Variants in SLC41A2 observed in about 807,000 individuals in gnomAD.
The protein encoded by SLC41A2 is solute carrier family 41 member 2, also known as SLC41A1-like 1.
Under a neutral mutation model 58.3 loss-of-function variants are expected in SLC41A2, and 32 were observed. The observed-to-expected ratio is 0.55, with a 90% confidence interval of 0.41 to 0.74. SLC41A2 has a LOEUF of 0.74. Among genes scored for constraint, SLC41A2 ranks in the 30% least tolerant of loss-of-function variants. SLC41A2 has a pLI of 0.00. For missense variants in SLC41A2, 514 were observed against 680.6 expected, an observed-to-expected ratio of 0.76 and a Z score of 2.72; for synonymous variants, 190 against 235.0, an observed-to-expected ratio of 0.81 and a Z score of 1.75.
At chr12:104,932,768 A>G (rs1172473606) in intron 1 of SLC41A2, among the ~76,000 whole-genome samples, 3 of 152,098 alleles carry the variant, frequency 2.0e-5, no homozygotes, top group South Asian at 2.1e-4. Context: ...AGCACATAAA[A>G]ACATAAATTG....
chr12:104,901,438 A>T (rs2045554743), intron 3 of SLC41A2, among the ~76,000 whole-genome samples: 3 of 152,202 alleles, frequency 2.0e-5, no homozygotes, highest in Admixed American at 6.5e-5. Flanking sequence ...CAAGTTAATC[A>T]TCATAACTTT....
chr12:104,825,763 G>A (rs539178141), intron 10 of SLC41A2, among the ~76,000 whole-genome samples: 1 of 152,294 alleles, frequency 6.6e-6, no homozygotes, highest in South Asian at 2.1e-4. Context: ...GGGATTCAAA[G>A]CCAGGCAATA....
At chr12:104,951,135 T>C (rs2047935673) in intron 1 of SLC41A2, among the ~76,000 whole-genome samples, 1 of 152,236 alleles carries the variant, frequency 6.6e-6, no homozygotes, top group Non-Finnish European at 1.5e-5. Context: ...TTCCCATATT[T>C]TAGTAAATAA....
chr12:104,826,935 T>C (rs1006130105), intron 10 of SLC41A2, among the ~76,000 whole-genome samples: 1 of 152,082 alleles, frequency 6.6e-6, no homozygotes, highest in African/African-American at 2.4e-5. Flanking sequence ...TATTATCCAA[T>C]TGGAAGAGAA....
In SLC41A2 at chr12:104,802,338, AATAG is replaced by A. The variant is rs1312755038; in HGVS notation, c.*2810_*2813del. ...TGAATTCACATTACTTAAGACTGAT[AATAG>A]ATTATTGTTGTGGGTAAATGAGTCA... is the stretch of plus-strand genomic sequence containing the variant. On this transcript the variant is annotated 3_prime_UTR_variant, in exon 11 of 11. Coordinates refer to ENST00000258538, the MANE Select transcript of SLC41A2 (RefSeq NM_001352171.3). 6.6e-6 allele frequency among the ~76,000 whole-genome samples: 1 copy of A among 152,224 alleles called. No individual in the cohort carries two copies. Among genetic ancestry groups the A allele is most frequent in the East Asian group, 1.9e-4 (1 of 5,204 alleles).
Position 104,853,855 on chromosome 12 carries a change from C to T in SLC41A2, c.1255+7436G>A, listed in dbSNP as rs182602142. Reference sequence around the variant, plus strand: ...ATCTCCTGGACTCAAGTGATCCTCCCACCTCAGCCTCCCAAGTAGATAGGA... The same window carrying T: ...ATCTCCTGGACTCAAGTGATCCTCCTACCTCAGCCTCCCAAGTAGATAGGA... On this transcript the variant is annotated intron_variant, in intron 8 of 10. Coordinates refer to ENST00000258538, the MANE Select transcript of SLC41A2 (RefSeq NM_001352171.3). Among the ~76,000 whole-genome samples the T allele has an allele frequency of 3.8e-3, 563 of 149,988 alleles. 2 individuals are homozygous for T. Among genetic ancestry groups the T allele is most frequent in the Non-Finnish European group, 6.3e-3 (430 of 67,718 alleles).
At chr12:104,902,314 AAG>A (rs1358307298) in intron 3 of SLC41A2, among the ~76,000 whole-genome samples, 1 of 152,254 alleles carries the variant, frequency 6.6e-6, no homozygotes, top group African/African-American at 2.4e-5. Context: ...AGGAAAAAGA[AAG>A]AGGAATTTCA....
At chr12:104,866,672 G>A (rs576029795) in intron 6 of SLC41A2, 93 bp from the exon 7 acceptor site, 21 of 1,047,240 alleles carry the variant, frequency 2.0e-5, no homozygotes, top group Admixed American at 1.2e-4. Context: ...TAGAAGGTAC[G>A]ACACTATCAA....
At chr12:104,912,576 C>T (rs1027187424) in intron 2 of SLC41A2, among the ~76,000 whole-genome samples, 3 of 152,202 alleles carry the variant, frequency 2.0e-5, no homozygotes, top group Non-Finnish European at 2.9e-5. Flanking sequence ...TGCCCCCATA[C>T]CTCGCCCTAC....
At chr12:104,887,043 T>C (rs1353903820) in intron 5 of SLC41A2, among the ~76,000 whole-genome samples, 1 of 151,988 alleles carries the variant, frequency 6.6e-6, no homozygotes, top group Non-Finnish European at 1.5e-5. Flanking sequence ...TACGAGAGAA[T>C]AGAAGATGAA....
rs1173554069 is a variant in SLC41A2 at position 104,804,711 on chromosome 12, G to A, written c.*441C>T. On this transcript the variant is annotated 3_prime_UTR_variant, in exon 11 of 11. Transcript: ENST00000258538. ...GTGGGCATTGTTAATACGATTCAAA[G>A]CTTGGTTGGGCACTCTTCGTTTTAT... 1 of 153,450 alleles carries A rather than the reference G, an allele frequency of 6.5e-6. No homozygotes were observed. The highest frequency in any genetic ancestry group is 2.4e-5 in the African/African-American group (1 of 41,446). 9.5% of individuals were successfully genotyped at this position (153,450 alleles called of 1,614,324 possible).
At chr12:104,927,465 AT>A (rs2046887064) in intron 2 of SLC41A2, among the ~76,000 whole-genome samples, 1 of 152,154 alleles carries the variant, frequency 6.6e-6, no homozygotes, top group Non-Finnish European at 1.5e-5. Flanking sequence ...TTTTATTTTT[AT>A]TTTTGGAAAA....
intron 2 of SLC41A2, among the ~76,000 whole-genome samples, chr12:104,927,524 T>C (rs1425655059): frequency 6.6e-6 from 1 of 152,164 alleles, no homozygotes; most frequent in East Asian, 1.9e-4. Context: ...TGCAAGTGTA[T>C]ACAACGAACA....
At chr12:104,856,074 T>C (rs549181160) in intron 8 of SLC41A2, among the ~76,000 whole-genome samples, 1 of 152,208 alleles carries the variant, frequency 6.6e-6, no homozygotes. Context: ...AGCTGCTGAT[T>C]CAGGCTTAAG....
At position 104,845,929 on chromosome 12, in the gene SLC41A2, G is replaced by A. The variant is rs1463699159; in HGVS notation, c.1301C>T (p.Thr434Ile). The A allele has an allele frequency of 6.2e-7, 1 of 1,613,760 alleles. No homozygotes were observed. The highest frequency in any genetic ancestry group is 8.5e-7 in the Non-Finnish European group (1 of 1,179,862). ...LVAIQASRIS[T>I]YLHLHSIPGE... ...TGGAATGCTATGTAAATGGAGGTAG[G>A]TAGAAATCCTGCTAGCCTGAATGGC... Residue 434 changes from threonine to isoleucine, a missense_variant, in exon 9 of 11, where the codon ACC becomes ATC. This residue lies in a region of SLC41A2 where 50 missense variants were observed against 104.5 expected (regional missense o/e 0.48). Coordinates refer to ENST00000258538, the MANE Select transcript of SLC41A2 (RefSeq NM_001352171.3).
rs1021760603 is a variant in SLC41A2 at position 104,880,587 on chromosome 12, C to T, written c.1027+5706G>A. 2.0e-5 allele frequency among the ~76,000 whole-genome samples: 3 copies of T among 152,016 alleles called. No homozygotes were observed. The East Asian group carries it at 5.8e-4, about 29-fold the overall frequency. Reference sequence around the variant, plus strand: ...TATTGAGATAACCATGTGGTTTTTGCCATTGGTTCTGTTAATATGATGGAT... The same window carrying T: ...TATTGAGATAACCATGTGGTTTTTGTCATTGGTTCTGTTAATATGATGGAT... On this transcript the variant is annotated intron_variant, in intron 6 of 10. Transcript: ENST00000258538.
chr12:104,845,432 C>T (rs1592982497), intron 9 of SLC41A2, among the ~76,000 whole-genome samples: 1 of 152,128 alleles, frequency 6.6e-6, no homozygotes, highest in Non-Finnish European at 1.5e-5. Context: ...TTCATAGCCA[C>T]ATAAATAATG....
intron 6 of SLC41A2, among the ~76,000 whole-genome samples, chr12:104,879,632 T>C (rs564567134): frequency 7.9e-5 from 12 of 152,296 alleles, no homozygotes; most frequent in African/African-American, 2.9e-4. Context: ...TTCCGAGGGC[T>C]CTATTCTGTT....
chr12:104,871,121 A>G (rs2043749140), intron 6 of SLC41A2, among the ~76,000 whole-genome samples: 1 of 152,228 alleles, frequency 6.6e-6, no homozygotes, highest in South Asian at 2.1e-4. Flanking sequence ...TTACAGCTTC[A>G]GCTAAGCCAT....
Sources: gnomAD v4.1 joint callset for allele counts (sites outside exome capture counted in the v4.1 genomes callset) on GRCh38, gnomAD v4.1.1 for gene constraint, gnomAD v4.1.1 regional missense constraint, MANE v1.5 for transcripts, NCBI Gene and HGNC (gene_info 2026-07-23, HGNC 2026-07-21) for gene names.